CTTNBP2: variants seen among roughly 807,000 people sequenced by gnomAD.
The protein encoded by CTTNBP2 is cortactin-binding protein 2.
A neutral mutation model predicts 156.9 loss-of-function variants in CTTNBP2; 108 were observed. The ratio of observed to expected loss-of-function variants is 0.69; its 90% CI spans 0.59 to 0.81. The LOEUF (loss-of-function observed/expected upper bound fraction) is 0.81, where lower values mean the gene tolerates loss of function less well. Ranked by LOEUF, CTTNBP2 falls within the 30% of genes least tolerant of loss-of-function variation. The pLI is 0.00. For synonymous variants in CTTNBP2, 767 were observed against 751.8 expected, an observed-to-expected ratio of 1.02 and a Z score of -0.33; for missense variants, 1,924 against 2,035.4, an observed-to-expected ratio of 0.95 and a Z score of 1.05.
chr7:117,835,983 T>C (rs1801910064), intron 2 of CTTNBP2, among the ~76,000 whole-genome samples: 1 of 152,186 alleles, frequency 6.6e-6, no homozygotes, highest in South Asian at 2.1e-4. Context: ...CTTAAAGAAG[T>C]AACGTACAGC....
chr7:117,807,819 C>A (rs1305574889), intron 3 of CTTNBP2, among the ~76,000 whole-genome samples: 2 of 152,210 alleles, frequency 1.3e-5, no homozygotes, highest in Non-Finnish European at 2.9e-5. Context: ...GCAGACGGTA[C>A]TTGTTTGTGA....
At position 117,792,164 on chromosome 7, in the gene CTTNBP2, G is replaced by C; in HGVS notation, c.1032C>G (p.Ser344Arg). The C allele has an allele frequency of 6.2e-7, 1 of 1,614,148 alleles. No individual in the cohort carries two copies. Among genetic ancestry groups the C allele is most frequent in the East Asian group, 2.2e-5 (1 of 44,878 alleles). ...TGGCCATGGTGGCACTGGTGCACAC[G>C]CTCCCTTTTGCATTTGCAGAAACTA... ...SPLVSANAKG[S>R]VCTSATMARP... The change falls in exon 4 of 23, where the codon AGC (serine) becomes AGG (arginine). Residue 344 changes from serine (S) to arginine (R), a missense_variant. Coordinates refer to ENST00000160373, the MANE Select transcript of CTTNBP2 (RefSeq NM_033427.3). This position sits in a 1 kb window ranked among gnomAD's most constrained non-coding sequence, Gnocchi z 4.2.
intron 1 of CTTNBP2, 33 bp from the exon 2 acceptor site, chr7:117,861,349 A>C: frequency 6.8e-7 from 1 of 1,475,502 alleles, no homozygotes; most frequent in Non-Finnish European, 9.4e-7. Flanking sequence ...GCCATGAAAA[A>C]TCTTTTCCTA....
At chr7:117,771,078 T>C (rs1797772855) in intron 8 of CTTNBP2, among the ~76,000 whole-genome samples, 1 of 152,132 alleles carries the variant, frequency 6.6e-6, no homozygotes, top group African/African-American at 2.4e-5. Flanking sequence ...TGGAGAATGC[T>C]GTCTTTATGC....
chr7:117,746,208 G>T (rs1796322935), intron 12 of CTTNBP2, 109 bp from the exon 13 acceptor site: 1 of 716,314 alleles, frequency 1.4e-6, no homozygotes, highest in Non-Finnish European at 2.4e-6. Flanking sequence ...ACTTTCAAAA[G>T]ATTAAAAACA....
intron 2 of CTTNBP2, among the ~76,000 whole-genome samples, chr7:117,831,144 C>T (rs1584507749): frequency 6.6e-6 from 1 of 152,322 alleles, no homozygotes; most frequent in East Asian, 1.9e-4. Flanking sequence ...ACCAACAACT[C>T]TGTCGTTATC....
chr7:117,715,754 A>G (rs1442332354), intron 22 of CTTNBP2: 2 of 152,188 alleles, frequency 1.3e-5, no homozygotes, highest in African/African-American at 4.8e-5. Context: ...TTGTTTTCCA[A>G]CAGATAATGA....
At chr7:117,865,626 G>C (rs1287278848) in intron 1 of CTTNBP2, among the ~76,000 whole-genome samples, 1 of 133,988 alleles carries the variant, frequency 7.5e-6, no homozygotes, top group East Asian at 2.3e-4. Context: ...GCAGTGAGCA[G>C]AGATCGTGCC....
At chr7:117,745,362 A>G (rs1050845078) in intron 14 of CTTNBP2, among the ~76,000 whole-genome samples, 1 of 152,210 alleles carries the variant, frequency 6.6e-6, no homozygotes, top group Non-Finnish European at 1.5e-5. Flanking sequence ...GTGCCAGTCA[A>G]TGGCATAGCA....
At chr7:117,798,016 T>C (rs574944019) in intron 3 of CTTNBP2, among the ~76,000 whole-genome samples, 1 of 152,218 alleles carries the variant, frequency 6.6e-6, no homozygotes, top group East Asian at 1.9e-4. Context: ...GTAAAACTGC[T>C]GAAAACAAAG....
chr7:117,825,944 T>C (rs1318611482), intron 2 of CTTNBP2, among the ~76,000 whole-genome samples: 1 of 152,196 alleles, frequency 6.6e-6, no homozygotes. Context: ...GGAAGCCACG[T>C]GCCAGTGCCA....
rs563933869 is a variant in CTTNBP2, at chr7:117,736,872, C to G, written c.3536-1451G>C. 9.2e-5 allele frequency among the ~76,000 whole-genome samples: 14 copies of G among 152,208 alleles called. 1 individual carries two copies. In the South Asian group the frequency reaches 2.3e-3, roughly 25 times the overall value. ...AGTCAAATTAACCTTGAAAAGAAAC[C>G]AGTTTAGGATACTTGAGAGTAACAT... On this transcript the variant is annotated intron_variant, in intron 14 of 22. Coordinates refer to ENST00000160373, the MANE Select transcript of CTTNBP2 (RefSeq NM_033427.3).
In CTTNBP2 at chr7:117,735,278, A is replaced by G. The variant is rs201505090; in HGVS notation, c.3679T>C (p.Phe1227Leu). The change falls in exon 15 of 23, where the codon TTC becomes CTC. Residue 1227 changes from phenylalanine to leucine, a missense_variant. Physicochemically the swap from Phe to Leu is conservative, Grantham distance 22 (BLOSUM62 0). Coordinates refer to ENST00000160373, the MANE Select transcript of CTTNBP2 (RefSeq NM_033427.3). ...CCTTTATTAGCGTTACCTTTTTGGA[A>G]AGTGCAGGGGCTTTCAGTGCTGCGA... ...ENRSTESPCT[F>L]QKGNGLSECY... 5.5e-5 allele frequency: 88 copies of G among 1,612,298 alleles called. No individual in the cohort carries two copies. Among genetic ancestry groups the G allele is most frequent in the Non-Finnish European group, 7.0e-5 (83 of 1,179,690 alleles).
At position 117,861,256 on chromosome 7, in the gene CTTNBP2, T is replaced by C. The variant is rs146010942; in HGVS notation, c.142A>G (p.Met48Val). 1 of 1,613,834 alleles carries C rather than the reference T, an allele frequency of 6.2e-7. No homozygotes were observed. The highest frequency in any genetic ancestry group is 8.5e-7 in the Non-Finnish European group (1 of 1,179,904). The change falls in exon 2 of 23, where the codon ATG (methionine) becomes GTG (valine). Residue 48 changes from methionine to valine, a missense_variant. Physicochemically the swap from Met to Val is conservative, Grantham distance 21 (BLOSUM62 1). Coordinates refer to ENST00000160373, the MANE Select transcript of CTTNBP2 (RefSeq NM_033427.3). ...TCTCTGGCCTCCAGCTCCCCTTCCA[T>C]CACGCTGAGGAGCATCCGCAGCTCG... ...KSELRMLLSVMEGELEARDLV... is the reference protein window; with the variant it reads ...KSELRMLLSVVEGELEARDLV...
intron 2 of CTTNBP2, among the ~76,000 whole-genome samples, chr7:117,832,986 A>G (rs550674653): frequency 6.6e-6 from 1 of 151,724 alleles, no homozygotes; most frequent in South Asian, 2.1e-4. Flanking sequence ...CAAACTCCTG[A>G]ACTTGTGATC....
intron 2 of CTTNBP2, among the ~76,000 whole-genome samples, chr7:117,844,758 C>T (rs1006442025): frequency 2.0e-5 from 3 of 152,044 alleles, no homozygotes; most frequent in African/African-American, 7.2e-5. Context: ...CAGAGATGGA[C>T]GGTTTGCCAG....
chr7:117,718,017 C>A lies in CTTNBP2; in HGVS notation c.4746+1G>T, dbSNP rs371855393. On this transcript the variant is annotated splice_donor_variant, in intron 22 of 22. Transcript: ENST00000160373. LOFTEE classifies it high-confidence loss of function. ...CACTTTGGGGAGAAAGGGACACTTACCTTTTGTGACACTGGCATTCTCAGA... is the reference window on the plus strand; with the variant it reads ...CACTTTGGGGAGAAAGGGACACTTAACTTTTGTGACACTGGCATTCTCAGA... 11 of 1,587,470 alleles carry A rather than the reference C, an allele frequency of 6.9e-6. No individual in the cohort carries two copies. The highest frequency in any genetic ancestry group is 9.5e-6 in the Non-Finnish European group (11 of 1,155,988).
chr7:117,806,296 A>G lies in CTTNBP2; in HGVS notation c.414+4469T>C, dbSNP rs191499382. 1.4e-4 allele frequency among the ~76,000 whole-genome samples: 22 copies of G among 152,336 alleles called. 1 individual carries two copies. The highest frequency in any genetic ancestry group is 1.3e-3 in the Admixed American group (20 of 15,300). On this transcript the variant is annotated intron_variant, in intron 3 of 22. Transcript: ENST00000160373. The stretch of plus-strand genomic sequence containing the variant: ...TATAGAATGAAAGGGAAAACTATGT[A>G]GGTGGGAGCAAAGCAGCGCTGTAAA...
At chr7:117,870,905 A>C (rs777123949) in intron 1 of CTTNBP2, among the ~76,000 whole-genome samples, 9 of 152,194 alleles carry the variant, frequency 5.9e-5, no homozygotes, top group Non-Finnish European at 1.2e-4. Flanking sequence ...TCACAAACTA[A>C]ATTTAAAACA....
Sources: gnomAD v4.1 joint callset for allele counts (sites outside exome capture counted in the v4.1 genomes callset) on GRCh38, gnomAD v4.1.1 for gene constraint, Gnocchi (gnomAD v3.1) non-coding constraint, MANE v1.5 for transcripts, NCBI Gene and HGNC (gene_info 2026-07-23, HGNC 2026-07-21) for gene names.